The following TCF3 variants were observed in gnomAD, a reference collection of about 807,000 sequenced individuals.
TCF3 encodes transcription factor E2-alpha.
A neutral mutation model predicts 72.3 loss-of-function variants in TCF3; 54 were observed. The observed-to-expected ratio is 0.75, with a 90% CI of 0.60 to 0.94. The LOEUF (loss-of-function observed/expected upper bound fraction) is 0.94, where lower values mean the gene tolerates loss of function less well. Ranked by LOEUF, TCF3 falls within the 40% of genes least tolerant of loss-of-function variation. The pLI, the probability that TCF3 is intolerant of heterozygous loss-of-function variation, is 0.00. For missense variants in TCF3, 1,078 were observed against 934.4 expected (o/e 1.15, Z -2.00); for synonymous variants, 525 against 412.6 (o/e 1.27, Z -3.30).
Position 1,646,347 on chromosome 19 carries a change from G to A in TCF3, c.145+8C>T, listed in dbSNP as rs950400916. Reference sequence around the variant, plus strand: ...TCCACGAGCGCTGGCAGGAAGGCGGGGTCCTACCTGAACCTCCGAACTGCG... The same window carrying A: ...TCCACGAGCGCTGGCAGGAAGGCGGAGTCCTACCTGAACCTCCGAACTGCG... On this transcript the variant is annotated splice_region_variant and intron_variant, in intron 3 of 18. Coordinates refer to ENST00000262965, the MANE Select transcript of TCF3 (RefSeq NM_003200.5). 1.9e-6 allele frequency: 3 copies of A among 1,550,014 alleles called. No individual in the cohort carries two copies. In the African/African-American group the frequency reaches 4.1e-5, roughly 21 times the overall value.
chr19:1,645,226 A>G (rs766668192), intron 3 of TCF3, among the ~76,000 whole-genome samples: 2 of 152,034 alleles, frequency 1.3e-5, no homozygotes, highest in Non-Finnish European at 2.9e-5. Flanking sequence ...CTTTCCACCC[A>G]GATCCCGGAG....
At chr19:1,612,555 T>TACCC in intron 18 of TCF3, 5 of 944,854 alleles carry the variant, frequency 5.3e-6, no homozygotes, top group Non-Finnish European at 8.0e-6. Flanking sequence ...GCAGTGTGGG[T>TACCC]ACACGGCTGG....
intron 11 of TCF3, among the ~76,000 whole-genome samples, 173 bp downstream of exon 11, chr19:1,621,665 C>T (rs879806172): frequency 4.6e-5 from 7 of 152,204 alleles, no homozygotes; most frequent in Admixed American, 4.6e-4. Context: ...ATCCCAAGCC[C>T]AACGCACGTG....
intron 3 of TCF3, among the ~76,000 whole-genome samples, chr19:1,643,816 A>T (rs1380532857): frequency 6.6e-6 from 1 of 152,244 alleles, no homozygotes; most frequent in Non-Finnish European, 1.5e-5. Context: ...CTGGTTCTCA[A>T]ATCTAAAGTT....
intron 2 of TCF3, among the ~76,000 whole-genome samples, chr19:1,649,026 G>A (rs2066585669): frequency 6.6e-6 from 1 of 152,244 alleles, no homozygotes; most frequent in Admixed American, 6.5e-5. Flanking sequence ...CCTGAACTGT[G>A]TGACTTCTGA....
chr19:1,631,537 G>A (rs2063714943), intron 5 of TCF3, among the ~76,000 whole-genome samples: 1 of 152,004 alleles, frequency 6.6e-6, no homozygotes, highest in South Asian at 2.1e-4. Context: ...CCAAAGTGCT[G>A]GTATTACAGG....
chr19:1,615,575 A>G lies in TCF3; in HGVS notation c.1587-55T>C. ...AGGGAGACAGTGAGGTTGGGGGAAG[A>G]GCGTGGGGCCCGCCGACGGCCTCCC... On this transcript the variant is annotated intron_variant, in intron 17 of 18. Transcript: ENST00000262965. This position sits in a 1 kb window ranked among gnomAD's most constrained non-coding sequence, Gnocchi z 7.3. 1 of 1,604,026 alleles carries G rather than the reference A, an allele frequency of 6.2e-7. No individual in the cohort carries two copies. The highest frequency in any genetic ancestry group is 8.5e-7 in the Non-Finnish European group (1 of 1,179,614).
rs370753500 is a variant in TCF3 at position 1,620,974 on chromosome 19, G to C, written c.1087C>G (p.Leu363Val). The C allele has an allele frequency of 5.3e-6, 8 of 1,498,596 alleles. No homozygotes were observed. The African/African-American group carries it at 8.6e-5, about 16-fold the overall frequency. The allele number at this position is 1,498,596 out of a possible 1,614,324, so 92.8% of individuals were successfully genotyped here. A position where few individuals can be genotyped will look rare whatever the true frequency, so the allele number is the denominator to read the frequency against. ...CCCCAAAACCCTCACAGACCTGCCA[G>C]GCCCTGGGGGGAGCCCACGGGGGTA... is the stretch of plus-strand genomic sequence containing the variant. The part of the protein sequence containing the change: ...PSTPVGSPQG[L>V]AGTSQWPRAG... Residue 363 changes from leucine to valine, a missense_variant, in exon 13 of 19, where the codon CTG becomes GTG. Leu to Val is a conservative substitution (Grantham distance 32). Transcript: ENST00000262965.
At position 1,619,763 on chromosome 19, in the gene TCF3, G is replaced by GTT; in HGVS notation, c.1167+16_1167+17insAA. 6.5e-7 allele frequency: 1 copy of GTT among 1,530,094 alleles called. No homozygotes were observed. Among genetic ancestry groups the GTT allele is most frequent in the East Asian group, 2.5e-5 (1 of 39,866 alleles). The allele number at this position is 1,530,094 out of a possible 1,614,324, so 94.8% of individuals were successfully genotyped here. A position where few individuals can be genotyped will look rare whatever the true frequency, so the allele number is the denominator to read the frequency against. On this transcript the variant is annotated intron_variant, in intron 14 of 18. Transcript: ENST00000262965. Reference sequence around the variant, plus strand: ...TTCTGTCGGGGAAGGGTGGGGTGGGGCGGGGCAGGCACTCACCAGGCCGTG... The same window carrying GTT: ...TTCTGTCGGGGAAGGGTGGGGTGGGGTTCGGGGCAGGCACTCACCAGGCCGTG...
intron 11 of TCF3, among the ~76,000 whole-genome samples, chr19:1,621,517 CTGGGCCTGGGTGGG>C (rs2062209298): frequency 6.6e-6 from 1 of 152,020 alleles, no homozygotes; most frequent in Admixed American, 6.5e-5. Context: ...GAGTCCCTCT[CTGGGCCTGGGTGGG>C]TGAGTCCCTC....
At position 1,619,409 on chromosome 19, in the gene TCF3, T is replaced by G; in HGVS notation, c.1233A>C (p.Thr411=). Residue 411 remains threonine (T), a synonymous_variant, in exon 15 of 19, where the codon ACA becomes ACC. Transcript: ENST00000262965. ...IHVLRSHAVG[T]AGDMHTLLPG... ...GCAGCAGCGTGTGCATGTCGCCGGCTGTGCCCACGGCGTGGCTGCGGAGCA... is the reference window on the plus strand; with the variant it reads ...GCAGCAGCGTGTGCATGTCGCCGGCGGTGCCCACGGCGTGGCTGCGGAGCA... 2 of 1,592,882 alleles carry G rather than the reference T, an allele frequency of 1.3e-6. No individual in the cohort carries two copies. Among genetic ancestry groups the G allele is most frequent in the Non-Finnish European group, 1.7e-6 (2 of 1,176,490 alleles).
chr19:1,638,715 A>T (rs1262627031), intron 3 of TCF3, among the ~76,000 whole-genome samples: 1 of 152,252 alleles, frequency 6.6e-6, no homozygotes, highest in Non-Finnish European at 1.5e-5. Flanking sequence ...ACTAACCGCT[A>T]TTCAATCACG....
At chr19:1,645,819 G>C (rs150652371) in intron 3 of TCF3, among the ~76,000 whole-genome samples, 1 of 152,176 alleles carries the variant, frequency 6.6e-6, no homozygotes, top group Non-Finnish European at 1.5e-5. Context: ...ACTCAAAGCC[G>C]CGGGTCCCAG....
In TCF3 at chr19:1,632,123, G is replaced by C. The variant is rs759802341; in HGVS notation, c.220-7C>G. On this transcript the variant is annotated splice_region_variant and splice_polypyrimidine_tract_variant and intron_variant, in intron 4 of 18. Coordinates refer to ENST00000262965, the MANE Select transcript of TCF3 (RefSeq NM_003200.5). ...GGGTGCCCTCGCTGAAGGTCTAGGGGAGATGGGGTGGGGATGAGAGGTGCT... is the reference window on the plus strand; with the variant it reads ...GGGTGCCCTCGCTGAAGGTCTAGGGCAGATGGGGTGGGGATGAGAGGTGCT... 4 of 1,612,200 alleles carry C rather than the reference G, an allele frequency of 2.5e-6. No homozygotes were observed. Among genetic ancestry groups the C allele is most frequent in the Non-Finnish European group, 2.5e-6 (3 of 1,179,210 alleles).
chr19:1,625,553 T>G (rs1225347188), intron 7 of TCF3, 23 bp downstream of exon 7: 1 of 1,547,622 alleles, frequency 6.5e-7, no homozygotes, highest in South Asian at 1.2e-5. Context: ...AAGCCCCCGA[T>G]GCCCCGGCCA....
intron 16 of TCF3, among the ~76,000 whole-genome samples, chr19:1,617,420 A>T (rs1176949930): frequency 6.6e-6 from 1 of 152,256 alleles, no homozygotes; most frequent in East Asian, 1.9e-4. Context: ...AAGCTCAAGA[A>T]CAATAATTGC....
At chr19:1,629,295 G>T (rs542457200) in intron 5 of TCF3, among the ~76,000 whole-genome samples, 1 of 151,456 alleles carries the variant, frequency 6.6e-6, no homozygotes, top group African/African-American at 2.5e-5. Flanking sequence ...GAGCCCCGGG[G>T]CCTGTGCACA....
chr19:1,646,376 C>T lies in TCF3; in HGVS notation c.124G>A (p.Gly42Arg), dbSNP rs528980993. 34 of 1,550,330 alleles carry T rather than the reference C, an allele frequency of 2.2e-5. No homozygotes were observed. The highest frequency in any genetic ancestry group is 7.3e-5 in the East Asian group (3 of 40,914). The change falls in exon 3 of 19, where the codon GGG (glycine) becomes AGG (arginine). Residue 42 changes from glycine (G) to arginine (R), a missense_variant. By Grantham distance (125) the Gly-to-Arg change is moderately radical (BLOSUM62 -2). Transcript: ENST00000262965. Reference sequence around the variant, plus strand: ...CTACCTGAACCTCCGAACTGCGCCCCGGCCAGGGAGGCGGGCCGGCCCTTC... The same window carrying T: ...CTACCTGAACCTCCGAACTGCGCCCTGGCCAGGGAGGCGGGCCGGCCCTTC... ...NGKGRPASLAGAQFGGSGLED... is the reference protein window; with the variant it reads ...NGKGRPASLARAQFGGSGLED...
rs751316189 is a variant in TCF3, at chr19:1,612,201, G to A, written c.1823-352C>T. 5.1e-6 allele frequency: 8 copies of A among 1,569,500 alleles called. No homozygotes were observed. In the South Asian group the frequency reaches 7.2e-5, roughly 14 times the overall value. ...GTGCTGGGGCAGCCCTGGCCGGGGA[G>A]CCTACCTCGCACCTGCTGCTCCAGC... On this transcript the variant is annotated intron_variant, in intron 18 of 18. Coordinates refer to ENST00000262965, the MANE Select transcript of TCF3 (RefSeq NM_003200.5).
Sources: gnomAD v4.1 joint callset for allele counts (sites outside exome capture counted in the v4.1 genomes callset) on GRCh38, gnomAD v4.1.1 for gene constraint, Gnocchi (gnomAD v3.1) non-coding constraint, MANE v1.5 for transcripts, NCBI Gene and HGNC (gene_info 2026-07-23, HGNC 2026-07-21) for gene names.